CA5A: variants seen among roughly 807,000 people sequenced by gnomAD.
CA5A encodes carbonic anhydrase 5A, mitochondrial.
Under a neutral mutation model 37.1 loss-of-function variants are expected in CA5A, and 28 were observed. The observed-to-expected ratio is 0.75, with a 90% confidence interval of 0.56 to 1.03. The LOEUF is 1.03. CA5A is among the 50% of genes least tolerant of loss of function. The probability of loss-of-function intolerance (pLI) is 0.00; values close to 1 mark genes in which losing one functional copy is unlikely to be tolerated. For missense variants in CA5A, 444 were observed against 399.9 expected, an observed-to-expected ratio of 1.11 and a Z score of -0.94; for synonymous variants, 171 against 158.4, an observed-to-expected ratio of 1.08 and a Z score of -0.60.
intron 2 of CA5A, among the ~76,000 whole-genome samples, chr16:87,926,172 T>C (rs889734177): frequency 4.6e-5 from 7 of 152,096 alleles, no homozygotes; most frequent in Non-Finnish European, 1.0e-4. Flanking sequence ...TGAGCTGAGA[T>C]TGCGCCATGG....
chr16:87,923,150 T>C (rs1299760788), intron 2 of CA5A, among the ~76,000 whole-genome samples: 2 of 152,214 alleles, frequency 1.3e-5, no homozygotes, highest in Non-Finnish European at 1.5e-5. Flanking sequence ...ATACTCTCTC[T>C]AGTGGCTTCT....
intron 5 of CA5A, among the ~76,000 whole-genome samples, chr16:87,895,981 C>G (rs1052629382): frequency 2.0e-5 from 3 of 152,178 alleles, no homozygotes; most frequent in Admixed American, 1.3e-4. Flanking sequence ...AGACATCAGT[C>G]TGGTGCACGT....
At chr16:87,907,485 G>T (rs1349999394) in intron 2 of CA5A, among the ~76,000 whole-genome samples, 24 of 152,206 alleles carry the variant, frequency 1.6e-4, no homozygotes, top group Non-Finnish European at 2.4e-4. Flanking sequence ...GGAAATTCAC[G>T]CATGTCTGTA....
chr16:87,901,907 C>A lies in CA5A; in HGVS notation c.618+5G>T, dbSNP rs780315322. 5.6e-6 allele frequency: 9 copies of A among 1,612,346 alleles called. 1 individual carries two copies. The South Asian group carries it at 8.8e-5, about 16-fold the overall frequency. On this transcript the variant is annotated splice_donor_5th_base_variant and intron_variant, in intron 5 of 6. Coordinates refer to ENST00000649794, the MANE Select transcript of CA5A (RefSeq NM_001739.2). ...CGGCCTGCTGATTTCAAATATGCAG[C>A]TTACCTTATGTTTTATTTCCGGCAA...
intron 6 of CA5A, 36 bp downstream of exon 6, chr16:87,891,763 T>C (rs200841463): frequency 2.5e-5 from 37 of 1,456,436 alleles, no homozygotes; most frequent in Non-Finnish European, 3.1e-5. Context: ...ACGCCTTCCA[T>C]GAAGCGCCAT....
intron 3 of CA5A, among the ~76,000 whole-genome samples, chr16:87,904,274 G>C (rs998235679): frequency 1.3e-5 from 2 of 151,938 alleles, no homozygotes; most frequent in East Asian, 3.8e-4. Context: ...CCTGGGAGAC[G>C]GAGGTTGTGG....
chr16:87,898,000 G>A lies in CA5A; in HGVS notation c.618+3912C>T, dbSNP rs141820203. Among the ~76,000 whole-genome samples the A allele has an allele frequency of 8.8e-4, 134 of 152,296 alleles. 1 individual carries two copies. The highest frequency in any genetic ancestry group is 3.1e-3 in the African/African-American group (129 of 41,576). ...GGAGCAGTGCTTTGTGACTCTGGAA[G>A]CCAGGGCAGAAAAGGACATCGTGTC... On this transcript the variant is annotated intron_variant, in intron 5 of 6. Coordinates refer to ENST00000649794, the MANE Select transcript of CA5A (RefSeq NM_001739.2).
At chr16:87,900,942 T>A (rs1160042037) in intron 5 of CA5A, among the ~76,000 whole-genome samples, 1 of 152,240 alleles carries the variant, frequency 6.6e-6, no homozygotes, top group Non-Finnish European at 1.5e-5. Flanking sequence ...AAATATTAAC[T>A]AGGCTGGGCG....
intron 5 of CA5A, chr16:87,893,854 G>T: frequency 3.9e-6 from 1 of 259,344 alleles, no homozygotes. Flanking sequence ...CTCACTGCAG[G>T]CTCTAATTCC....
intron 2 of CA5A, among the ~76,000 whole-genome samples, chr16:87,909,495 A>G (rs867047563): frequency 6.6e-6 from 1 of 152,230 alleles, no homozygotes; most frequent in Non-Finnish European, 1.5e-5. Context: ...CGGGAACAGC[A>G]GGTGCAGGGG....
At chr16:87,929,761 A>G (rs541743032) in intron 1 of CA5A, among the ~76,000 whole-genome samples, 18 of 146,896 alleles carry the variant, frequency 1.2e-4, no homozygotes, top group African/African-American at 3.8e-4. Context: ...AGTCCCAGCT[A>G]CTCGGGAGGC....
chr16:87,908,923 C>G (rs2056006718), intron 2 of CA5A, among the ~76,000 whole-genome samples: 1 of 152,048 alleles, frequency 6.6e-6, no homozygotes, highest in Admixed American at 6.6e-5. Flanking sequence ...TCAAGAGATT[C>G]TCCTGCCTCA....
chr16:87,902,060 A>G (rs1310128570), intron 4 of CA5A, 86 bp from the exon 5 acceptor site: 1 of 1,243,860 alleles, frequency 8.0e-7, no homozygotes, highest in Non-Finnish European at 1.2e-6. Flanking sequence ...CCACGTTTTA[A>G]AAGCAATCCT....
Position 87,930,110 on chromosome 16 carries a change from T to C in CA5A, c.143-3165A>G, listed in dbSNP as rs116708767. Among the ~76,000 whole-genome samples the C allele has an allele frequency of 4.8e-3, 737 of 152,228 alleles. 4 individuals are homozygous for C. Among genetic ancestry groups the C allele is most frequent in the African/African-American group, 0.017 (691 of 41,534 alleles). On this transcript the variant is annotated intron_variant, in intron 1 of 6. Transcript: ENST00000649794. ...TTTTTCTCTCCCCCATCAACGTGCA[T>C]GGTAACATCTGCTAGGGGTCTGCTG... is the stretch of plus-strand genomic sequence containing the variant.
At chr16:87,935,302 C>A (rs2056456560) in intron 1 of CA5A, among the ~76,000 whole-genome samples, 1 of 152,242 alleles carries the variant, frequency 6.6e-6, no homozygotes, top group South Asian at 2.1e-4. Context: ...GGTCACAAGG[C>A]ACTGACCATG....
chr16:87,901,001 G>A (rs981996794), intron 5 of CA5A, among the ~76,000 whole-genome samples: 1 of 152,234 alleles, frequency 6.6e-6, no homozygotes, highest in East Asian at 1.9e-4. Flanking sequence ...CAAGGCGGGC[G>A]GATCACCTGA....
chr16:87,892,125 C>T, intron 5 of CA5A, 171 bp from the exon 6 acceptor site: 1 of 542,100 alleles, frequency 1.8e-6, no homozygotes. Flanking sequence ...AAATGTGACC[C>T]TTCTATACAG....
chr16:87,882,030 T>G (rs1185079472), intron 4 of CA5A: 1 of 152,236 alleles, frequency 6.6e-6, no homozygotes, highest in African/African-American at 2.4e-5. Flanking sequence ...CCGGTAGAAC[T>G]GGAGCCCAGG....
In CA5A at chr16:87,904,859, A is replaced by G. The variant is rs2055936273; in HGVS notation, c.386T>C (p.Phe129Ser). The G allele has an allele frequency of 6.2e-7, 1 of 1,613,312 alleles. No individual in the cohort carries two copies. Among genetic ancestry groups the G allele is most frequent in the Non-Finnish European group, 8.5e-7 (1 of 1,179,404 alleles). The change falls in exon 3 of 7, where the codon TTT becomes TCT. Residue 129 changes from phenylalanine to serine, a missense_variant. By Grantham distance (155) the Phe-to-Ser change is radical (BLOSUM62 -2). Transcript: ENST00000649794. Reference sequence around the variant, plus strand: ...GTTCACTGCTCCCCAGTGGAAGTGAAATTGCTTCAGTCTGTAGTGGTTTTC... The same window carrying G: ...GTTCACTGCTCCCCAGTGGAAGTGAGATTGCTTCAGTCTGTAGTGGTTTTC... ...PLENHYRLKQ[F>S]HFHWGAVNEG... is the part of the protein sequence containing the mutation.
Sources: allele counts gnomAD v4.1 joint callset (sites outside exome capture counted in the v4.1 genomes callset), GRCh38; gene constraint gnomAD v4.1.1; transcripts MANE v1.5; gene names NCBI Gene and HGNC (gene_info 2026-07-23, HGNC 2026-07-21).